ZNF624: variants seen among roughly 807,000 people sequenced by gnomAD.
ZNF624 encodes zinc finger protein 624.
Under a neutral mutation model 74.7 loss-of-function variants are expected in ZNF624, and 43 were observed. The observed-to-expected ratio is 0.58, with a 90% CI of 0.45 to 0.74. The LOEUF (loss-of-function observed/expected upper bound fraction) is 0.74, where lower values mean the gene tolerates loss of function less well. ZNF624 is among the 30% of genes least tolerant of loss of function. The pLI is 0.00. For synonymous variants in ZNF624, 331 were observed against 341.3 expected (o/e 0.97, Z 0.33); for missense variants, 820 against 1,030.0 (o/e 0.80, Z 2.79).
chr17:16,653,076 G>A (rs371375654), intron 1 of ZNF624, among the ~76,000 whole-genome samples: 2 of 152,218 alleles, frequency 1.3e-5, no homozygotes, highest in African/African-American at 4.8e-5. Context: ...GGCCAGTGCA[G>A]TTATTTAGAA....
At chr17:16,652,979 A>T (rs1909763033) in intron 1 of ZNF624, among the ~76,000 whole-genome samples, 1 of 152,196 alleles carries the variant, frequency 6.6e-6, no homozygotes, top group Non-Finnish European at 1.5e-5. Context: ...CCCCAGTTAT[A>T]ATTTCCCTAT....
At chr17:16,648,616 G>T (rs1261854347) in intron 2 of ZNF624, among the ~76,000 whole-genome samples, 5 of 152,180 alleles carry the variant, frequency 3.3e-5, no homozygotes, top group African/African-American at 9.7e-5. Flanking sequence ...AAGAATAAAA[G>T]ACCACAATCA....
At chr17:16,639,678 A>G (rs1025136363) in intron 3 of ZNF624, among the ~76,000 whole-genome samples, 6 of 152,308 alleles carry the variant, frequency 3.9e-5, no homozygotes, top group East Asian at 1.9e-4. Flanking sequence ...AAATCTGTCT[A>G]ATCATTAACT....
chr17:16,637,147 A>G (rs1189793776), intron 3 of ZNF624, among the ~76,000 whole-genome samples: 1 of 152,214 alleles, frequency 6.6e-6, no homozygotes, highest in Non-Finnish European at 1.5e-5. Flanking sequence ...TAAAATACCT[A>G]GGAATCCAAC....
At chr17:16,636,898 C>T (rs1032007105) in intron 3 of ZNF624, among the ~76,000 whole-genome samples, 16 of 152,024 alleles carry the variant, frequency 1.1e-4, no homozygotes, top group Admixed American at 2.0e-4. Flanking sequence ...TGAGAGAGGG[C>T]ATCCCTGTCT....
chr17:16,617,690 G>A (rs1597488073), downstream of ZNF624: 9 of 1,605,214 alleles, frequency 5.6e-6, no homozygotes, highest in Non-Finnish European at 7.7e-6. Context: ...CTACGATCAC[G>A]CGCTCGCCGC....
rs1908998385 is a variant in ZNF624, at chr17:16,624,003, G to C, written c.883C>G (p.Gln295Glu). ...FHYRSLLIQHQRTHTKEKPYE... is the reference protein window; with the variant it reads ...FHYRSLLIQHERTHTKEKPYE... ...GGTTTTTCTTTAGTATGAGTTCTTT[G>C]ATGTTGAATGAGCAATGATCTATAA... Residue 295 changes from glutamine to glutamate, a missense_variant, in exon 6 of 6, where the codon CAA (glutamine) becomes GAA (glutamate). Transcript: ENST00000311331. The C allele has an allele frequency of 1.9e-6, 3 of 1,613,700 alleles. No individual in the cohort carries two copies. Among genetic ancestry groups the C allele is most frequent in the Non-Finnish European group, 1.7e-6 (2 of 1,179,956 alleles).
rs762109890 is a variant in ZNF624, at chr17:16,633,894, G to A, written c.344C>T (p.Thr115Met). 1.1e-5 allele frequency: 18 copies of A among 1,613,130 alleles called. No homozygotes were observed. The highest frequency in any genetic ancestry group is 8.9e-5 in the East Asian group (4 of 44,866). ...HLENGKGPWV[T>M]VREISRIPYP... ...GGGAATTCTTGAAATTTCTCTCACC[G>A]TCACCCATGGTCCTTTCCCATTCTC... is the stretch of plus-strand genomic sequence containing the variant. Residue 115 changes from threonine to methionine, a missense_variant, in exon 5 of 6, where the codon ACG becomes ATG. Transcript: ENST00000311331.
At position 16,634,667 on chromosome 17, in the gene ZNF624, A is replaced by G. The variant is rs1170319440; in HGVS notation, c.243T>C (p.Asp81=). 6.2e-7 allele frequency: 1 copy of G among 1,613,724 alleles called. No homozygotes were observed. The highest frequency in any genetic ancestry group is 2.2e-5 in the East Asian group (1 of 44,864). The change falls in exon 4 of 6, where the codon GAT becomes GAC. Residue 81 remains aspartate (D), a synonymous_variant. Transcript: ENST00000311331. Reference sequence around the variant, plus strand: ...GATTCCTGTAATTCTCTAGCATCACATCCTTGTGCAGGTTCCTCTGTGTAG... The same window carrying G: ...GATTCCTGTAATTCTCTAGCATCACGTCCTTGTGCAGGTTCCTCTGTGTAG... ...MDPTQRNLHK[D]VMLENYRNLV...
At chr17:16,618,830 A>G (rs189968399), downstream of ZNF624, among the ~76,000 whole-genome samples, 1 of 152,352 alleles carries the variant, frequency 6.6e-6, no homozygotes, top group Admixed American at 6.5e-5. Flanking sequence ...AGAGTACAGT[A>G]TCTAATACAT....
chr17:16,617,520 G>C, downstream of ZNF624: 1 of 1,583,506 alleles, frequency 6.3e-7, no homozygotes, highest in Non-Finnish European at 8.7e-7. Flanking sequence ...CTCTCCAACT[G>C]CACAGACTAG....
intron 5 of ZNF624, among the ~76,000 whole-genome samples, chr17:16,625,370 C>T (rs1484326221): frequency 3.3e-5 from 5 of 151,980 alleles, no homozygotes; most frequent in Admixed American, 1.3e-4. Context: ...TTAGTAGAGA[C>T]GGGGTTTCGC....
chr17:16,626,968 T>C (rs1909087741), intron 5 of ZNF624, among the ~76,000 whole-genome samples: 1 of 151,866 alleles, frequency 6.6e-6, no homozygotes. Context: ...GGCAGAAGAA[T>C]TGCTTGAACC....
chr17:16,622,581 C>T lies in ZNF624; in HGVS notation c.2305G>A (p.Val769Met), dbSNP rs780016530. The change falls in exon 6 of 6, where the codon GTG becomes ATG. Residue 769 changes from valine to methionine, a missense_variant. Physicochemically the swap from Val to Met is conservative, Grantham distance 21. Transcript: ENST00000311331. ...TCTCCAGTGTGTGTTCTCCAATGCA[C>T]TGTAAGGTAAGAACCCCTCCTGAAG... ...KAFRRGSYLT[V>M]HWRTHTGEKP... 6.2e-7 allele frequency: 1 copy of T among 1,614,022 alleles called. No individual in the cohort carries two copies. The highest frequency in any genetic ancestry group is 1.1e-5 in the South Asian group (1 of 91,078).
At chr17:16,640,695 T>G (rs1909446865) in intron 3 of ZNF624, among the ~76,000 whole-genome samples, 1 of 152,172 alleles carries the variant, frequency 6.6e-6, no homozygotes, top group Admixed American at 6.5e-5. Context: ...ACTGACTCAG[T>G]GTACAGAAAA....
intron 1 of ZNF624, among the ~76,000 whole-genome samples, chr17:16,651,316 G>A (rs2096146288): frequency 6.6e-6 from 1 of 151,796 alleles, no homozygotes; most frequent in African/African-American, 2.4e-5. Context: ...TGTAGTCCCA[G>A]CTACTCGGGA....
intron 3 of ZNF624, among the ~76,000 whole-genome samples, chr17:16,643,607 C>CTCTGTG (rs1909517533): frequency 6.6e-6 from 1 of 152,086 alleles, no homozygotes; most frequent in Admixed American, 6.5e-5. Flanking sequence ...GTGATGGTTA[C>CTCTGTG]AAACTCTGTG....
At chr17:16,616,949 C>T (rs148616676), downstream of ZNF624, 158 of 1,581,964 alleles carry the variant, frequency 1.0e-4, no homozygotes, top group East Asian at 3.5e-3. Flanking sequence ...ACAGAGCGGG[C>T]CTTTCAGGGT....
chr17:16,640,524 G>GA (rs747914893), intron 3 of ZNF624, among the ~76,000 whole-genome samples: 26 of 151,000 alleles, frequency 1.7e-4, no homozygotes, highest in Non-Finnish European at 3.4e-4. Flanking sequence ...GAGTGACTAA[G>GA]AAAAAAAAGA....
Sources: allele counts gnomAD v4.1 joint callset (sites outside exome capture counted in the v4.1 genomes callset), GRCh38; gene constraint gnomAD v4.1.1; transcripts MANE v1.5; gene names NCBI Gene and HGNC (gene_info 2026-07-23, HGNC 2026-07-21).